The following PTPRD variants were observed in gnomAD, a reference collection of about 807,000 sequenced individuals.
PTPRD encodes receptor-type tyrosine-protein phosphatase delta.
A neutral mutation model predicts 214.5 loss-of-function variants in PTPRD; 34 were observed. The ratio of observed to expected loss-of-function variants is 0.16; its 90% CI spans 0.12 to 0.21. PTPRD has a LOEUF of 0.21. Ranked by LOEUF, PTPRD falls within the 10% of genes least tolerant of loss-of-function variation. PTPRD has a pLI of 1.00. For missense variants in PTPRD, 2,545 were observed against 2,398.7 expected, an observed-to-expected ratio of 1.06 and a Z score of -1.27; for synonymous variants, 1,128 against 845.7, an observed-to-expected ratio of 1.33 and a Z score of -5.79.
At chr9:9,004,523 C>A (rs1053000563) in intron 11 of PTPRD, among the ~76,000 whole-genome samples, 1 of 151,842 alleles carries the variant, frequency 6.6e-6, no homozygotes, top group South Asian at 2.1e-4. Flanking sequence ...GATCAAGATC[C>A]GGAATGATTG....
At chr9:10,024,088 T>C (rs1198977778) in intron 4 of PTPRD, among the ~76,000 whole-genome samples, 3 of 152,172 alleles carry the variant, frequency 2.0e-5, no homozygotes, top group Non-Finnish European at 4.4e-5. Flanking sequence ...CCAAATGTCA[T>C]GTGAAAGTAA....
In PTPRD at chr9:9,120,626, C is replaced by A. The variant is rs550335303; in HGVS notation, c.-143+62678G>T. ...GCGTAAGTGGTTCTCAATCATGAAG[C>A]AGATCATCTGGAGAGGAGGGTAAAA... is the stretch of plus-strand genomic sequence containing the variant. On this transcript the variant is annotated intron_variant, in intron 10 of 45. Transcript: ENST00000381196. Among the ~76,000 whole-genome samples, 3 of 152,306 alleles carry A rather than the reference C, an allele frequency of 2.0e-5. No individual in the cohort carries two copies. The South Asian group carries it at 6.2e-4, about 32-fold the overall frequency.
At chr9:10,441,692 A>T (rs562755758) in intron 2 of PTPRD, among the ~76,000 whole-genome samples, 2 of 151,806 alleles carry the variant, frequency 1.3e-5, no homozygotes, top group South Asian at 2.1e-4. Context: ...AATATTTTAA[A>T]TATCTTTGCA....
chr9:10,056,825 A>C (rs1414101955), intron 3 of PTPRD, among the ~76,000 whole-genome samples: 2 of 152,158 alleles, frequency 1.3e-5, no homozygotes, highest in Non-Finnish European at 2.9e-5. Context: ...TAACTCTTAC[A>C]GGTCACTTGA....
intron 8 of PTPRD, among the ~76,000 whole-genome samples, chr9:9,463,694 A>T (rs1205190966): frequency 6.6e-6 from 1 of 151,928 alleles, no homozygotes; most frequent in Non-Finnish European, 1.5e-5. Flanking sequence ...TTACATGGGT[A>T]TGTTGTGAAA....
intron 12 of PTPRD, among the ~76,000 whole-genome samples, chr9:8,643,828 G>T (rs530369422): frequency 6.6e-6 from 1 of 152,340 alleles, no homozygotes; most frequent in South Asian, 2.1e-4. Flanking sequence ...GCCCCTTGGC[G>T]TGAGCAGCCT....
At position 9,731,350 on chromosome 9, in the gene PTPRD, A is replaced by G. The variant is rs148241075; in HGVS notation, c.-287+3183T>C. 2.6e-5 allele frequency among the ~76,000 whole-genome samples: 4 copies of G among 152,270 alleles called. No individual in the cohort carries two copies. The East Asian group carries it at 7.7e-4, about 29-fold the overall frequency. ...GGCACTCAGTTTTGTAGAGTGTATC[A>G]TGATAATTCAGAATGTTTTTCAAAT... is the stretch of plus-strand genomic sequence containing the variant. On this transcript the variant is annotated intron_variant, in intron 7 of 45. Coordinates refer to ENST00000381196, the MANE Select transcript of PTPRD (RefSeq NM_002839.4).
intron 2 of PTPRD, among the ~76,000 whole-genome samples, chr9:10,350,464 A>G (rs921798182): frequency 2.6e-5 from 4 of 152,128 alleles, no homozygotes; most frequent in Non-Finnish European, 5.9e-5. Flanking sequence ...ATTATTTTAT[A>G]AAATCAAAAA....
chr9:9,591,176 G>A (rs1245922071), intron 7 of PTPRD, among the ~76,000 whole-genome samples: 1 of 151,928 alleles, frequency 6.6e-6, no homozygotes. Flanking sequence ...TCTGGCTGTG[G>A]TTAGATGGAT....
intron 12 of PTPRD, among the ~76,000 whole-genome samples, chr9:8,733,231 C>T (rs1209450778): frequency 1.3e-5 from 2 of 152,134 alleles, no homozygotes; most frequent in Non-Finnish European, 2.9e-5. Context: ...TACTTCCAGA[C>T]CCTTCATCCA....
intron 9 of PTPRD, among the ~76,000 whole-genome samples, chr9:9,193,324 T>C (rs1179562658): frequency 6.6e-6 from 1 of 152,154 alleles, no homozygotes; most frequent in Non-Finnish European, 1.5e-5. Context: ...GTGAACATGA[T>C]AATTATGCTA....
intron 9 of PTPRD, among the ~76,000 whole-genome samples, chr9:9,241,117 G>A (rs2099970166): frequency 6.6e-6 from 1 of 152,074 alleles, no homozygotes. Context: ...TAATTCGTGG[G>A]TCTAAATGAA....
intron 3 of PTPRD, among the ~76,000 whole-genome samples, chr9:10,186,540 C>A (rs554821780): frequency 6.6e-6 from 1 of 152,058 alleles, no homozygotes; most frequent in Non-Finnish European, 1.5e-5. Context: ...CTCCCCTAAA[C>A]AGAATTAACA....
intron 11 of PTPRD, among the ~76,000 whole-genome samples, chr9:8,889,451 T>C (rs1448304329): frequency 6.6e-6 from 1 of 152,118 alleles, no homozygotes; most frequent in African/African-American, 2.4e-5. Flanking sequence ...TCAGGGCCCA[T>C]ATATATTTAA....
At chr9:10,443,794 GA>G (rs560393018) in intron 2 of PTPRD, among the ~76,000 whole-genome samples, 19 of 141,248 alleles carry the variant, frequency 1.3e-4, no homozygotes, top group East Asian at 2.1e-4. Flanking sequence ...ATGTTAATTA[GA>G]AAAAAAAAAG....
intron 2 of PTPRD, among the ~76,000 whole-genome samples, chr9:10,576,321 G>C (rs2069313956): frequency 6.6e-6 from 1 of 152,100 alleles, no homozygotes; most frequent in Non-Finnish European, 1.5e-5. Flanking sequence ...CTGTGACTTT[G>C]AGGGAAACTT....
At chr9:9,285,195 C>T (rs970020136) in intron 9 of PTPRD, among the ~76,000 whole-genome samples, 2 of 151,570 alleles carry the variant, frequency 1.3e-5, no homozygotes, top group Non-Finnish European at 1.5e-5. Flanking sequence ...TTTCTCTCTT[C>T]CTCTATATGT....
intron 2 of PTPRD, among the ~76,000 whole-genome samples, chr9:10,461,183 CTCTA>C (rs971970503): frequency 6.6e-6 from 1 of 151,372 alleles, no homozygotes; most frequent in Non-Finnish European, 1.5e-5. Context: ...CAATTCAAAA[CTCTA>C]TATATCCTCA....
chr9:10,565,504 A>T (rs555500375), intron 2 of PTPRD, among the ~76,000 whole-genome samples: 1 of 152,214 alleles, frequency 6.6e-6, no homozygotes, highest in African/African-American at 2.4e-5. Flanking sequence ...GACTTTCAGA[A>T]AAACAGCCCA....
Sources: allele counts gnomAD v4.1 joint callset (sites outside exome capture counted in the v4.1 genomes callset), GRCh38; gene constraint gnomAD v4.1.1; transcripts MANE v1.5; gene names NCBI Gene and HGNC (gene_info 2026-07-23, HGNC 2026-07-21).